Variants in RIMBP2 observed in about 807,000 individuals in gnomAD.
The protein encoded by RIMBP2 is RIMS-binding protein 2.
RIMBP2 carries 48 observed loss-of-function variants against 118.6 expected under a neutral mutation model. That is an observed-to-expected ratio of 0.40 (90% CI 0.32 to 0.51). The LOEUF (loss-of-function observed/expected upper bound fraction) is 0.51. Among genes scored for constraint, RIMBP2 ranks in the 20% least tolerant of loss-of-function variants. The pLI, the probability that RIMBP2 is intolerant of heterozygous loss-of-function variation, is 0.41. For synonymous variants in RIMBP2, 762 were observed against 742.9 expected (o/e 1.03, Z -0.42); for missense variants, 1,551 against 1,768.3 (o/e 0.88, Z 2.20).
Position 130,422,435 on chromosome 12 carries a change from G to T in RIMBP2, c.3238+18C>A. 1 of 1,558,284 alleles carries T rather than the reference G, an allele frequency of 6.4e-7. No individual in the cohort carries two copies. Among genetic ancestry groups the T allele is most frequent in the Non-Finnish European group, 8.8e-7 (1 of 1,131,660 alleles). ...CTCCGCGGCTGAAAGACACAACAGC[G>T]ATGATGGGGCCACTAACCGATGGAT... On this transcript the variant is annotated intron_variant, in intron 17 of 22. Transcript: ENST00000690449. This position sits in a 1 kb window ranked among gnomAD's most constrained non-coding sequence, Gnocchi z 5.2.
In RIMBP2 at chr12:130,441,764, C is replaced by A. The variant is rs534590695; in HGVS notation, c.1504+84G>T. 4.0e-6 allele frequency: 5 copies of A among 1,240,298 alleles called. No individual in the cohort carries two copies. The East Asian group carries it at 1.2e-4, about 30-fold the overall frequency. The allele number at this position is 1,240,298 out of a possible 1,614,324, so 76.8% of individuals were successfully genotyped here. A position where few individuals can be genotyped will look rare whatever the true frequency, so the allele number is the denominator to read the frequency against. On this transcript the variant is annotated intron_variant, in intron 11 of 22. Transcript: ENST00000690449. ...GTCAGGATGGGGATTCCTGCTTCTG[C>A]CTGCCCCACCTTCCCTCCCCACTAG...
chr12:130,569,436 G>A (rs927876742), intron 2 of RIMBP2, among the ~76,000 whole-genome samples: 1 of 152,172 alleles, frequency 6.6e-6, no homozygotes, highest in African/African-American at 2.4e-5. Context: ...AGAAAGCTGG[G>A]GCTGAGCCAC....
chr12:130,610,746 G>C (rs71468441), intron 2 of RIMBP2, among the ~76,000 whole-genome samples: 1 of 151,444 alleles, frequency 6.6e-6, no homozygotes, highest in Non-Finnish European at 1.5e-5. Flanking sequence ...ATTTTTAGTA[G>C]AGACGGGGTT....
chr12:130,428,900 AT>A (rs1402662568), intron 14 of RIMBP2: 1 of 152,326 alleles, frequency 6.6e-6, no homozygotes, highest in East Asian at 1.9e-4. Flanking sequence ...GATCGAGACC[AT>A]CCTGGCTAAC....
chr12:130,459,587 T>A (rs889869655), intron 6 of RIMBP2, among the ~76,000 whole-genome samples: 1 of 152,122 alleles, frequency 6.6e-6, no homozygotes, highest in African/African-American at 2.4e-5. Flanking sequence ...TACCACCCCA[T>A]CAAGGGGGCT....
chr12:130,536,688 G>A (rs1035859868), intron 2 of RIMBP2, among the ~76,000 whole-genome samples: 2 of 152,182 alleles, frequency 1.3e-5, no homozygotes, highest in African/African-American at 4.8e-5. Context: ...TTAATTTTAA[G>A]TTTAATTTAA....
intron 1 of RIMBP2, among the ~76,000 whole-genome samples, chr12:130,698,799 T>C (rs12302349): frequency 0.034 from 5,122 of 151,842 alleles, 270 homozygotes; most frequent in African/African-American, 0.11. Flanking sequence ...AGGCAACCTA[T>C]AGAATGGGAG....
intron 1 of RIMBP2, among the ~76,000 whole-genome samples, chr12:130,664,383 G>GCA (rs1212575577): frequency 1.3e-4 from 17 of 132,438 alleles, no homozygotes; most frequent in South Asian, 5.0e-4. Flanking sequence ...ATGCACGCAC[G>GCA]CGCATGCACA....
Position 130,396,438 on chromosome 12 carries a change from TGTAA to T in RIMBP2, c.*919_*922del, listed in dbSNP as rs147624779. 4 of 152,658 alleles carry T rather than the reference TGTAA, an allele frequency of 2.6e-5. No homozygotes were observed. Among genetic ancestry groups the T allele is most frequent in the African/African-American group, 9.6e-5 (4 of 41,466 alleles). 9.5% of individuals were successfully genotyped at this position (152,658 alleles called of 1,614,324 possible). On this transcript the variant is annotated 3_prime_UTR_variant, in exon 23 of 23. Coordinates refer to ENST00000690449, the MANE Select transcript of RIMBP2 (RefSeq NM_001393629.1). ...CATCAAATACATCTGCCAGCAACTT[TGTAA>T]GTAAGTCTTTTGTTCAAATGCCAAT...
At chr12:130,439,821 CTGTG>C (rs921625819) in intron 11 of RIMBP2, among the ~76,000 whole-genome samples, 2 of 34,426 alleles carry the variant, frequency 5.8e-5, no homozygotes, top group African/African-American at 3.1e-4. Context: ...GTGGGGGTGT[CTGTG>C]TGTGTGTGTA....
intron 1 of RIMBP2, among the ~76,000 whole-genome samples, chr12:130,696,604 G>A (rs1462482311): frequency 2.0e-5 from 3 of 152,214 alleles, no homozygotes; most frequent in South Asian, 2.1e-4. Flanking sequence ...TTCACAAAGC[G>A]ATCACTGTGA....
At chr12:130,569,870 A>G (rs1566280356) in intron 2 of RIMBP2, among the ~76,000 whole-genome samples, 2 of 152,204 alleles carry the variant, frequency 1.3e-5, no homozygotes. Context: ...TAATACGTAT[A>G]TGGCCTGATA....
Position 130,441,883 on chromosome 12 carries a change from T to C in RIMBP2, c.1469A>G (p.Lys490Arg), listed in dbSNP as rs753488190. The change falls in exon 11 of 23, where the codon AAG (lysine) becomes AGG (arginine). Residue 490 changes from lysine (K) to arginine (R), a missense_variant. By Grantham distance (26) the Lys-to-Arg change is conservative. Around this residue, in one of 5 missense-constraint regions of RIMBP2, gnomAD observed 1,038 missense variants for 1,125.1 expected, o/e 0.92. Coordinates refer to ENST00000690449, the MANE Select transcript of RIMBP2 (RefSeq NM_001393629.1). ...WQLPLEQREK[K>R]EAFVEFSTLP... ...CGTGGAGAACTCCACAAAGGCCTCC[T>C]TCTTCTCCCTTTGCTCCAGCGGGAG... The C allele has an allele frequency of 1.2e-5, 20 of 1,613,714 alleles. No homozygotes were observed. In the South Asian group the frequency reaches 2.2e-4, roughly 18 times the overall value.
At chr12:130,582,131 C>T (rs1189190396) in intron 2 of RIMBP2, among the ~76,000 whole-genome samples, 1 of 152,224 alleles carries the variant, frequency 6.6e-6, no homozygotes, top group Non-Finnish European at 1.5e-5. Flanking sequence ...TCCCTCCCTC[C>T]TCCTCTGCTG....
In RIMBP2 at chr12:130,422,491, C is replaced by T. The variant is rs758459338; in HGVS notation, c.3200G>A (p.Gly1067Asp). 49 of 1,613,102 alleles carry T rather than the reference C, an allele frequency of 3.0e-5. No individual in the cohort carries two copies. Among genetic ancestry groups the T allele is most frequent in the Non-Finnish European group, 3.9e-5 (46 of 1,179,500 alleles). The change falls in exon 17 of 23, where the codon GGT becomes GAT. Residue 1067 changes from glycine to aspartate, a missense_variant. This residue lies in a region of RIMBP2 where 1,038 missense variants were observed against 1,125.1 expected (regional missense o/e 0.92). Transcript: ENST00000690449. This position sits in a 1 kb window ranked among gnomAD's most constrained non-coding sequence, Gnocchi z 5.2. ...TGTCACGGGCCGGGACCTCTGAGGACCAGCGCTGCCACGGGGAAACCTCCG... is the reference window on the plus strand; with the variant it reads ...TGTCACGGGCCGGGACCTCTGAGGATCAGCGCTGCCACGGGGAAACCTCCG... ...MGRRFPRGSA[G>D]PQRSRPVTVP...
chr12:130,613,997 C>T (rs2060739298), intron 2 of RIMBP2, among the ~76,000 whole-genome samples: 1 of 152,082 alleles, frequency 6.6e-6, no homozygotes. Context: ...CAATGGTGGC[C>T]TCTGACTTTC....
At chr12:130,600,131 C>T (rs1465698988) in intron 2 of RIMBP2, among the ~76,000 whole-genome samples, 1 of 152,186 alleles carries the variant, frequency 6.6e-6, no homozygotes, top group Non-Finnish European at 1.5e-5. Flanking sequence ...TCATGTCTTC[C>T]TAAAATGCAT....
chr12:130,517,884 A>G lies in RIMBP2; in HGVS notation c.-183T>C, dbSNP rs766156789. 5.4e-5 allele frequency: 53 copies of G among 985,498 alleles called. No individual in the cohort carries two copies. Among genetic ancestry groups the G allele is most frequent in the Non-Finnish European group, 5.9e-5 (49 of 829,866 alleles). 61.0% of individuals were successfully genotyped at this position (985,498 alleles called of 1,614,324 possible). A position where few individuals can be genotyped will look rare whatever the true frequency, so the allele number is the denominator to read the frequency against. On this transcript the variant is annotated 5_prime_UTR_variant, in exon 3 of 23. Transcript: ENST00000690449. ...CCTGCATGATGGGATCTCAGGAGAT[A>G]CTCTCCCTGGGTGGCATCCTTCAGT...
In RIMBP2 at chr12:130,424,957, C is replaced by A; in HGVS notation, c.2413-99G>T. The A allele has an allele frequency of 1.5e-6, 1 of 661,156 alleles. No homozygotes were observed. The highest frequency in any genetic ancestry group is 2.1e-6 in the Non-Finnish European group (1 of 467,830). The allele number at this position is 661,156 out of a possible 1,614,324, so 41.0% of individuals were successfully genotyped here. A position where few individuals can be genotyped will look rare whatever the true frequency, so the allele number is the denominator to read the frequency against. Reference sequence around the variant, plus strand: ...AAAGAAAATACAGACAGAATTAGTCCTGGAGGCACCGAGGGGGGGGAAGCA... The same window carrying A: ...AAAGAAAATACAGACAGAATTAGTCATGGAGGCACCGAGGGGGGGGAAGCA... On this transcript the variant is annotated intron_variant, in intron 15 of 22. Transcript: ENST00000690449. The surrounding 1 kb of genome is among the most constrained non-coding windows in gnomAD (Gnocchi z 9.8).
Sources: allele counts gnomAD v4.1 joint callset (sites outside exome capture counted in the v4.1 genomes callset), GRCh38; gene constraint gnomAD v4.1.1; regional missense constraint gnomAD v4.1.1; non-coding constraint Gnocchi (gnomAD v3.1); transcripts MANE v1.5; gene names NCBI Gene and HGNC (gene_info 2026-07-23, HGNC 2026-07-21).